The following PTPRD variants were observed in gnomAD, a reference collection of about 807,000 sequenced individuals.
The protein encoded by PTPRD is receptor-type tyrosine-protein phosphatase delta.
A neutral mutation model predicts 214.5 loss-of-function variants in PTPRD; 34 were observed. The ratio of observed to expected loss-of-function variants is 0.16; its 90% CI spans 0.12 to 0.21. PTPRD has a LOEUF of 0.21. PTPRD is among the 10% of genes least tolerant of loss of function. The pLI, the probability that PTPRD is intolerant of heterozygous loss-of-function variation, is 1.00. For synonymous variants in PTPRD, 1,128 were observed against 845.7 expected, an observed-to-expected ratio of 1.33 and a Z score of -5.79; for missense variants, 2,545 against 2,398.7, an observed-to-expected ratio of 1.06 and a Z score of -1.27.
chr9:8,712,907 C>A (rs1024209794), intron 12 of PTPRD, among the ~76,000 whole-genome samples: 2 of 152,038 alleles, frequency 1.3e-5, no homozygotes, highest in Non-Finnish European at 2.9e-5. Context: ...TTAGTAGAGA[C>A]GGGGTTTCAC....
chr9:9,591,911 C>T (rs192140903), intron 7 of PTPRD, among the ~76,000 whole-genome samples: 142 of 152,128 alleles, frequency 9.3e-4, no homozygotes, highest in Non-Finnish European at 1.6e-3. Flanking sequence ...AGAACTTATT[C>T]CTGCTATCTA....
intron 11 of PTPRD, among the ~76,000 whole-genome samples, chr9:8,993,161 A>C (rs957504148): frequency 6.6e-6 from 1 of 151,320 alleles, no homozygotes; most frequent in Non-Finnish European, 1.5e-5. Flanking sequence ...TTAAAGTCTC[A>C]TAGGTATGGA....
At chr9:8,472,524 G>A (rs1445449569) in intron 30 of PTPRD, among the ~76,000 whole-genome samples, 1 of 152,148 alleles carries the variant, frequency 6.6e-6, no homozygotes, top group African/African-American at 2.4e-5. Context: ...GTTCAGCATG[G>A]TATCCACTAG....
chr9:8,905,692 T>A (rs1461913123), intron 11 of PTPRD, among the ~76,000 whole-genome samples: 1 of 143,272 alleles, frequency 7.0e-6, no homozygotes, highest in Admixed American at 7.2e-5. Flanking sequence ...TGAGCCGGAA[T>A]CACGCCACTG....
At chr9:9,324,089 T>C (rs942606150) in intron 9 of PTPRD, among the ~76,000 whole-genome samples, 10 of 152,322 alleles carry the variant, frequency 6.6e-5, no homozygotes, top group South Asian at 6.2e-4. Context: ...CAGTCTATCA[T>C]TGATGGACAT....
At chr9:10,470,937 G>T (rs1254537055) in intron 2 of PTPRD, among the ~76,000 whole-genome samples, 2 of 152,054 alleles carry the variant, frequency 1.3e-5, no homozygotes, top group Non-Finnish European at 2.9e-5. Context: ...AAGAAAATGT[G>T]GCACATATAC....
At chr9:10,576,963 T>A (rs2069602901) in intron 2 of PTPRD, among the ~76,000 whole-genome samples, 1 of 59,362 alleles carries the variant, frequency 1.7e-5, no homozygotes, top group Middle Eastern at 9.6e-3. Context: ...GCAATTTTAT[T>A]TCTACTTTTT....
chr9:9,318,933 C>A (rs1329479250), intron 9 of PTPRD, among the ~76,000 whole-genome samples: 1 of 152,132 alleles, frequency 6.6e-6, no homozygotes, highest in African/African-American at 2.4e-5. Flanking sequence ...AATCTTCTGA[C>A]TTTTCATCAA....
rs117628441 is a variant in PTPRD at position 9,058,387 on chromosome 9, T to A, written c.-142-39652A>T. 2.1e-3 allele frequency among the ~76,000 whole-genome samples: 309 copies of A among 150,446 alleles called. 8 individuals carry two copies. The East Asian group carries it at 0.041, about 20-fold the overall frequency. On this transcript the variant is annotated intron_variant, in intron 10 of 45. Coordinates refer to ENST00000381196, the MANE Select transcript of PTPRD (RefSeq NM_002839.4). Reference sequence around the variant, plus strand: ...TGGCTAAATCCCCTGAAGAGCTGGCTTAGAAGATAAATTCTATGTATAATA... The same window carrying A: ...TGGCTAAATCCCCTGAAGAGCTGGCATAGAAGATAAATTCTATGTATAATA...
chr9:9,841,291 G>A (rs1250649659), intron 5 of PTPRD, among the ~76,000 whole-genome samples: 1 of 152,094 alleles, frequency 6.6e-6, no homozygotes, highest in Non-Finnish European at 1.5e-5. Context: ...AAGTTGAAGT[G>A]TAATGGGCTG....
intron 17 of PTPRD, chr9:8,525,271 C>A: frequency 1.6e-6 from 1 of 632,182 alleles, no homozygotes; most frequent in Non-Finnish European, 2.8e-6. Context: ...TCTCTTTTCC[C>A]AAGCAAGACT....
chr9:10,129,799 C>CTTTTGGTA (rs2098846042), intron 3 of PTPRD, among the ~76,000 whole-genome samples: 1 of 152,098 alleles, frequency 6.6e-6, no homozygotes, highest in African/African-American at 2.4e-5. Context: ...AATTGGCTGA[C>CTTTTGGTA]TTTTGGTATT....
chr9:9,939,161 A>T (rs1160503200), intron 4 of PTPRD, among the ~76,000 whole-genome samples: 1 of 152,118 alleles, frequency 6.6e-6, no homozygotes, highest in Non-Finnish European at 1.5e-5. Context: ...AACGCACCAG[A>T]GTGTTGCTAC....
chr9:9,253,315 T>A (rs4237175), intron 9 of PTPRD, among the ~76,000 whole-genome samples: 67,284 of 147,622 alleles, frequency 0.46, 16,978 homozygotes, highest in Middle Eastern at 0.67. Flanking sequence ...GAGGCCTGAC[T>A]TTTTTTATTA....
rs891401379 is a variant in PTPRD at position 9,009,931 on chromosome 9, A to C, written c.-104+8766T>G. Among the ~76,000 whole-genome samples, 12 of 152,052 alleles carry C rather than the reference A, an allele frequency of 7.9e-5. 1 individual carries two copies. Among genetic ancestry groups the C allele is most frequent in the Non-Finnish European group, 2.9e-5 (2 of 68,014 alleles). On this transcript the variant is annotated intron_variant, in intron 11 of 45. Coordinates refer to ENST00000381196, the MANE Select transcript of PTPRD (RefSeq NM_002839.4). ...TTAGGTTGACTTGGTGCCTCTACGG[A>C]GGGATCCTGAGTAATTTTTTGCTCC... is the stretch of plus-strand genomic sequence containing the variant.
chr9:10,557,398 C>T (rs2062858534), intron 2 of PTPRD, among the ~76,000 whole-genome samples: 1 of 152,126 alleles, frequency 6.6e-6, no homozygotes, highest in Non-Finnish European at 1.5e-5. Flanking sequence ...TCCCTCTCTC[C>T]TCCCTCTCCC....
At chr9:9,451,481 C>A (rs909692456) in intron 8 of PTPRD, among the ~76,000 whole-genome samples, 2 of 151,594 alleles carry the variant, frequency 1.3e-5, no homozygotes, top group Non-Finnish European at 3.0e-5. Context: ...AAATCAATGG[C>A]GAATTTTCAC....
At chr9:9,299,836 T>G (rs1036997519) in intron 9 of PTPRD, among the ~76,000 whole-genome samples, 2 of 151,406 alleles carry the variant, frequency 1.3e-5, no homozygotes, top group Non-Finnish European at 3.0e-5. Context: ...GAAACCAAAG[T>G]CTTTATGTTC....
intron 2 of PTPRD, among the ~76,000 whole-genome samples, chr9:10,409,315 T>C (rs1423699287): frequency 6.6e-6 from 1 of 151,716 alleles, no homozygotes; most frequent in Non-Finnish European, 1.5e-5. Context: ...ATTTATAAAG[T>C]TGTGTAACTA....
Sources: gnomAD v4.1 joint callset for allele counts (sites outside exome capture counted in the v4.1 genomes callset) on GRCh38, gnomAD v4.1.1 for gene constraint, MANE v1.5 for transcripts, NCBI Gene and HGNC (gene_info 2026-07-23, HGNC 2026-07-21) for gene names.